Variants in RNF14 observed in about 807,000 individuals in gnomAD.
The protein encoded by RNF14 is E3 ubiquitin-protein ligase RNF14.
A neutral mutation model predicts 52.6 loss-of-function variants in RNF14; 26 were observed. That is an observed-to-expected ratio of 0.49 (90% CI 0.36 to 0.69). The LOEUF (loss-of-function observed/expected upper bound fraction) is 0.69. Ranked by LOEUF, RNF14 falls within the 30% of genes least tolerant of loss-of-function variation. RNF14 has a pLI of 0.00. For synonymous variants in RNF14, 194 were observed against 202.0 expected (o/e 0.96, Z 0.34); for missense variants, 404 against 560.4 (o/e 0.72, Z 2.82).
At chr5:141,982,140 T>C (rs1270140513) in intron 6 of RNF14, among the ~76,000 whole-genome samples, 2 of 152,156 alleles carry the variant, frequency 1.3e-5, no homozygotes, top group Non-Finnish European at 2.9e-5. Context: ...AGGGAAGAAA[T>C]TGAAGATAGA....
At chr5:141,966,932 G>A (rs535877946), upstream of RNF14, 14 of 152,348 alleles carry the variant, frequency 9.2e-5, no homozygotes, top group South Asian at 2.9e-3. Context: ...TTTGCTCTTG[G>A]TCTAATTCCT....
upstream of RNF14, among the ~76,000 whole-genome samples, chr5:141,966,466 GT>G (rs1753352238): frequency 6.6e-6 from 1 of 152,096 alleles, no homozygotes; most frequent in Non-Finnish European, 1.5e-5. Context: ...CTTCTGTCAA[GT>G]GGGCACATAA....
At chr5:141,987,109 C>T (rs114452210) in intron 8 of RNF14, among the ~76,000 whole-genome samples, 2,589 of 152,150 alleles carry the variant, frequency 0.017, 80 homozygotes, top group African/African-American at 0.059. Context: ...TTGATATCAG[C>T]GGTGGAGCAA....
At chr5:141,980,443 T>A in intron 6 of RNF14, 92 bp downstream of exon 6, 1 of 915,372 alleles carries the variant, frequency 1.1e-6, no homozygotes, top group Non-Finnish European at 1.7e-6. Context: ...ATTCTTCAAT[T>A]TGGAAGTATT....
upstream of RNF14, among the ~76,000 whole-genome samples, chr5:141,963,479 G>A (rs1753290935): frequency 6.6e-6 from 1 of 151,252 alleles, no homozygotes; most frequent in African/African-American, 2.4e-5. Flanking sequence ...AGCATCATCT[G>A]TGCATGAATA....
At chr5:141,969,060 G>C (rs1753476520), upstream of RNF14, 1 of 152,268 alleles carries the variant, frequency 6.6e-6, no homozygotes, top group South Asian at 2.1e-4. Context: ...TCCCTATGCC[G>C]GCGGTCGCGC....
chr5:141,974,735 G>T (rs41290613), intron 3 of RNF14, 69 bp from the exon 4 acceptor site: 3 of 1,422,354 alleles, frequency 2.1e-6, no homozygotes, highest in Admixed American at 1.9e-5. Context: ...TTTCTTGAGC[G>T]CTGCTCAACA....
rs1754941426 is a variant in RNF14, at chr5:141,983,288, T to G, written c.1064-92T>G. 8.0e-6 allele frequency: 8 copies of G among 995,512 alleles called. No homozygotes were observed. The Admixed American group carries it at 2.1e-4, about 26-fold the overall frequency. The allele number at this position is 995,512 out of a possible 1,614,324, so 61.7% of individuals were successfully genotyped here. A position where few individuals can be genotyped will look rare whatever the true frequency, so the allele number is the denominator to read the frequency against. On this transcript the variant is annotated intron_variant, in intron 6 of 8. Coordinates refer to ENST00000394520, the MANE Select transcript of RNF14 (RefSeq NM_004290.5). ...TATGATAAAGTTCTAGGAATAACAT[T>G]ATTGAATAGTCGAAGATTATAGCCA...
upstream of RNF14, among the ~76,000 whole-genome samples, chr5:141,954,257 C>T (rs1400497412): frequency 1.3e-5 from 2 of 152,140 alleles, no homozygotes; most frequent in African/African-American, 2.4e-5. Flanking sequence ...CAGGCCCAGC[C>T]GGAAAGCTCT....
At chr5:141,956,129 C>T (rs762296316), upstream of RNF14, 2 of 1,614,172 alleles carry the variant, frequency 1.2e-6, no homozygotes, top group East Asian at 2.2e-5. Context: ...GAGAGGCTGG[C>T]TTTTCCATCG....
At chr5:141,987,419 G>A (rs993957880) in intron 8 of RNF14, among the ~76,000 whole-genome samples, 7 of 152,018 alleles carry the variant, frequency 4.6e-5, no homozygotes, top group Admixed American at 6.6e-5. Flanking sequence ...AACCTGCCTC[G>A]CCTCCATCTA....
chr5:141,975,547 A>G lies in RNF14; in HGVS notation c.306+592A>G, dbSNP rs1754169062. ...CTTGAGGCCTTATGTTAAGCACCTC[A>G]TTTCCTCTGGGTTATATATACTTTT... On this transcript the variant is annotated intron_variant, in intron 4 of 8. Coordinates refer to ENST00000394520, the MANE Select transcript of RNF14 (RefSeq NM_004290.5). Among the ~76,000 whole-genome samples, 3 of 152,306 alleles carry G rather than the reference A, an allele frequency of 2.0e-5. No homozygotes were observed. The South Asian group carries it at 6.2e-4, about 32-fold the overall frequency.
Position 141,987,953 on chromosome 5 carries a change from G to A in RNF14, c.*163G>A. On this transcript the variant is annotated 3_prime_UTR_variant, in exon 9 of 9. Transcript: ENST00000394520. The stretch of plus-strand genomic sequence containing the variant: ...ATTTTCATGTGGTACTACTGAAGAA[G>A]GTGCATTGATACATTTTTAAATGTA... The A allele has an allele frequency of 6.5e-6, 4 of 611,678 alleles. No individual in the cohort carries two copies. Among genetic ancestry groups the A allele is most frequent in the Admixed American group, 3.0e-5 (1 of 33,854 alleles). 37.9% of individuals were successfully genotyped at this position (611,678 alleles called of 1,614,324 possible).
intron 7 of RNF14, among the ~76,000 whole-genome samples, chr5:141,983,887 C>T (rs1755001151): frequency 6.6e-6 from 1 of 151,974 alleles, no homozygotes; most frequent in Non-Finnish European, 1.5e-5. Flanking sequence ...TCTCTCAGAA[C>T]TATTTATCCT....
upstream of RNF14, chr5:141,956,835 G>A (rs1163397204): frequency 3.2e-5 from 52 of 1,614,140 alleles, 1 homozygote; most frequent in Admixed American, 7.3e-4. Context: ...GAACCTTGAT[G>A]AGAACTTTGC....
Position 141,971,793 on chromosome 5 carries a change from G to A in RNF14, c.-7+916G>A, listed in dbSNP as rs117013400. Among the ~76,000 whole-genome samples, 25 of 151,610 alleles carry A rather than the reference G, an allele frequency of 1.6e-4. No homozygotes were observed. In the East Asian group the frequency reaches 3.7e-3, roughly 22 times the overall value. ...CCACCGAGTAGCTGGGATTACATGC[G>A]TGTACCACAATGCCCGGCTAATTTT... On this transcript the variant is annotated intron_variant, in intron 2 of 8. Coordinates refer to ENST00000394520, the MANE Select transcript of RNF14 (RefSeq NM_004290.5).
upstream of RNF14, chr5:141,956,446 G>A (rs542402907): frequency 2.0e-4 from 319 of 1,614,218 alleles, 3 homozygotes; most frequent in South Asian, 2.5e-3. Flanking sequence ...GTTTTCCCGC[G>A]TGGAGACTTC....
intron 8 of RNF14, 125 bp from the exon 9 acceptor site, chr5:141,987,608 T>G: frequency 2.2e-6 from 2 of 902,072 alleles, no homozygotes; most frequent in South Asian, 1.5e-5. Context: ...CTCAGTGCAA[T>G]GATTAAAGGA....
Position 141,989,068 on chromosome 5 carries a change from A to G in RNF14, c.*1278A>G, listed in dbSNP as rs1004896036. 3 of 152,344 alleles carry G rather than the reference A, an allele frequency of 2.0e-5. No homozygotes were observed. The highest frequency in any genetic ancestry group is 4.4e-5 in the Non-Finnish European group (3 of 68,034). 9.4% of individuals were successfully genotyped at this position (152,344 alleles called of 1,614,324 possible). A position where few individuals can be genotyped will look rare whatever the true frequency, so the allele number is the denominator to read the frequency against. ...CTACTTTGTTATTGCAAATTGAGGA[A>G]TCACTTTTAACTGTTTTAGGTGTGT... On this transcript the variant is annotated 3_prime_UTR_variant, in exon 9 of 9. Coordinates refer to ENST00000394520, the MANE Select transcript of RNF14 (RefSeq NM_004290.5).
Sources: allele counts gnomAD v4.1 joint callset (sites outside exome capture counted in the v4.1 genomes callset), GRCh38; gene constraint gnomAD v4.1.1; transcripts MANE v1.5; gene names NCBI Gene and HGNC (gene_info 2026-07-23, HGNC 2026-07-21).